Variants in CAST observed in about 807,000 individuals in gnomAD.
The protein encoded by CAST is calpastatin, also known as MIR583 host.
In CAST, 76 loss-of-function variants were observed where a neutral mutation model predicts 119.6. The ratio of observed to expected loss-of-function variants is 0.64; its 90% confidence interval spans 0.53 to 0.77. The LOEUF is 0.77. CAST is among the 30% of genes least tolerant of loss of function. CAST has a pLI of 0.00. For synonymous variants in CAST, 319 were observed against 331.6 expected, an observed-to-expected ratio of 0.96 and a Z score of 0.41; for missense variants, 953 against 946.5, an observed-to-expected ratio of 1.01 and a Z score of -0.09.
At chr5:96,601,435 G>T (rs1174745033) in intron 1 of CAST, among the ~76,000 whole-genome samples, 1 of 152,206 alleles carries the variant, frequency 6.6e-6, no homozygotes, top group Non-Finnish European at 1.5e-5. Flanking sequence ...TGCATAGAAG[G>T]TTACTACGGA....
chr5:96,667,830 T>C lies in CAST; in HGVS notation c.75+5333T>C, dbSNP rs1324083362. ...GAGTTCAAGACCAGCCTGGCCAAGA[T>C]GGTGAAACCCCATCTCTACTAAAAA... On this transcript the variant is annotated intron_variant, in intron 1 of 31. Transcript: ENST00000675179. Among the ~76,000 whole-genome samples the C allele has an allele frequency of 2.0e-5, 3 of 152,120 alleles. No individual in the cohort carries two copies. The East Asian group carries it at 5.8e-4, about 29-fold the overall frequency.
chr5:96,153,297 A>G, the CAST span, among the ~76,000 whole-genome samples: 1 of 152,184 alleles, frequency 6.6e-6, no homozygotes, highest in African/African-American at 2.4e-5. Context: ...TGACTGTCTG[A>G]AAGACACAGC....
chr5:96,492,755 G>A, the CAST span, among the ~76,000 whole-genome samples: 9 of 152,154 alleles, frequency 5.9e-5, no homozygotes. Flanking sequence ...CATGGAAGTA[G>A]ATAAAACTAA....
At chr5:96,241,283 A>G in the CAST span, among the ~76,000 whole-genome samples, 1 of 143,826 alleles carries the variant, frequency 7.0e-6, no homozygotes, top group African/African-American at 2.6e-5. Flanking sequence ...TCATTGTTCA[A>G]TTCCCACCTA....
chr5:96,637,101 A>T (rs944413241), intron 1 of CAST, among the ~76,000 whole-genome samples: 2 of 152,344 alleles, frequency 1.3e-5, no homozygotes, highest in Non-Finnish European at 2.9e-5. Context: ...TCAGGACAGA[A>T]TATAGTGCTC....
At chr5:96,581,824 G>C (rs1398795221) in intron 1 of CAST, among the ~76,000 whole-genome samples, 1 of 152,112 alleles carries the variant, frequency 6.6e-6, no homozygotes, top group Non-Finnish European at 1.5e-5. Context: ...CCAGGAGGCG[G>C]AGCTTGCAGT....
the CAST span, among the ~76,000 whole-genome samples, chr5:96,054,634 A>G: frequency 6.6e-6 from 1 of 152,198 alleles, no homozygotes; most frequent in Non-Finnish European, 1.5e-5. Context: ...AAAAATGGAG[A>G]TAATAGTTCC....
chr5:96,192,396 A>C, the CAST span, among the ~76,000 whole-genome samples: 1 of 152,236 alleles, frequency 6.6e-6, no homozygotes, highest in Admixed American at 6.5e-5. Context: ...AAGATTAACA[A>C]TAACTTTAAT....
chr5:96,730,941 C>G, intron 9 of CAST, 81 bp downstream of exon 9: 3 of 1,090,890 alleles, frequency 2.8e-6, no homozygotes, highest in East Asian at 2.4e-5. Flanking sequence ...CTCAAATAAC[C>G]TATCATCTGG....
the CAST span, among the ~76,000 whole-genome samples, chr5:96,471,555 G>A: frequency 2.0e-5 from 3 of 151,986 alleles, no homozygotes; most frequent in African/African-American, 7.3e-5. Flanking sequence ...CTGGAAAGCC[G>A]GTTTGCTGCA....
intron 1 of CAST, among the ~76,000 whole-genome samples, chr5:96,549,421 A>C (rs1277271014): frequency 2.0e-5 from 3 of 152,256 alleles, no homozygotes; most frequent in Admixed American, 2.0e-4. Context: ...TTAAAAAATT[A>C]AACTGAAGAT....
At chr5:96,712,288 C>T (rs947719629) in intron 3 of CAST, among the ~76,000 whole-genome samples, 3 of 152,194 alleles carry the variant, frequency 2.0e-5, no homozygotes, top group African/African-American at 7.2e-5. Context: ...TGGCCTGGCT[C>T]CAAAGCCATT....
the CAST span, among the ~76,000 whole-genome samples, chr5:96,390,262 C>T: frequency 6.6e-6 from 1 of 152,174 alleles, no homozygotes; most frequent in African/African-American, 2.4e-5. Flanking sequence ...GGAATTAACT[C>T]CTTAATGTAA....
chr5:96,709,764 A>G (rs868580906), intron 3 of CAST, among the ~76,000 whole-genome samples: 2 of 152,196 alleles, frequency 1.3e-5, no homozygotes, highest in African/African-American at 4.8e-5. Flanking sequence ...ACAGAAATAG[A>G]CATATATTAT....
chr5:96,116,915 G>A, the CAST span, among the ~76,000 whole-genome samples: 1 of 152,146 alleles, frequency 6.6e-6, no homozygotes, highest in South Asian at 2.1e-4. Context: ...AAATTATGGG[G>A]TTTTATTATG....
At chr5:96,757,702 T>C (rs764965176) in intron 24 of CAST, 48 bp downstream of exon 24, 12 of 1,337,020 alleles carry the variant, frequency 9.0e-6, no homozygotes, top group Middle Eastern at 1.9e-4. Context: ...TTTTTTTTTT[T>C]TCCTTTGAGA....
chr5:95,995,622 C>T, the CAST span, among the ~76,000 whole-genome samples: 58 of 152,056 alleles, frequency 3.8e-4, no homozygotes, highest in African/African-American at 1.2e-3. Flanking sequence ...TCAGTTATGT[C>T]GTGTGGTCTC....
the CAST span, among the ~76,000 whole-genome samples, chr5:96,364,862 C>T: frequency 6.6e-6 from 1 of 152,148 alleles, no homozygotes; most frequent in East Asian, 1.9e-4. Context: ...TTGCCTTCTG[C>T]TAGCTTTTGA....
chr5:96,596,910 G>T (rs953946815), intron 1 of CAST, among the ~76,000 whole-genome samples: 14 of 152,210 alleles, frequency 9.2e-5, no homozygotes, highest in Non-Finnish European at 2.1e-4. Flanking sequence ...CTCTGAGCAT[G>T]TGAGGAGAGA....
Sources: allele counts gnomAD v4.1 joint callset (sites outside exome capture counted in the v4.1 genomes callset), GRCh38; gene constraint gnomAD v4.1.1; transcripts MANE v1.5; gene names NCBI Gene and HGNC (gene_info 2026-07-23, HGNC 2026-07-21).